Variants in HYCC2 observed in about 807,000 individuals in gnomAD.
The protein encoded by HYCC2 is hyccin PI4KA lipid kinase complex subunit 2, also known as hyccin 2.
the HYCC2 span, among the ~76,000 whole-genome samples, chr2:201,010,729 G>A: frequency 6.6e-6 from 1 of 151,804 alleles, no homozygotes; most frequent in Non-Finnish European, 1.5e-5. Flanking sequence ...TGATTTCTAA[G>A]TAGTATGGAA....
chr2:200,980,454 C>T, the HYCC2 span: 1 of 152,484 alleles, frequency 6.6e-6, no homozygotes, highest in Non-Finnish European at 1.5e-5. Flanking sequence ...AGAACATGCC[C>T]CTCAGATTCT....
chr2:201,020,927 C>A, the HYCC2 span, among the ~76,000 whole-genome samples: 1 of 152,006 alleles, frequency 6.6e-6, no homozygotes, highest in Non-Finnish European at 1.5e-5. Context: ...ACCACCACAC[C>A]CAGCTAATTT....
At chr2:201,054,126 ACG>A in the HYCC2 span, among the ~76,000 whole-genome samples, 3 of 152,222 alleles carry the variant, frequency 2.0e-5, no homozygotes, top group African/African-American at 7.2e-5. Flanking sequence ...CCAGTGCTAT[ACG>A]CATGCTCAGG....
At chr2:201,032,459 A>G in the HYCC2 span, among the ~76,000 whole-genome samples, 2 of 152,164 alleles carry the variant, frequency 1.3e-5, no homozygotes, top group Admixed American at 1.3e-4. Context: ...ACATCTTCAC[A>G]ATACTGAGTT....
At chr2:201,052,527 G>C in the HYCC2 span, among the ~76,000 whole-genome samples, 1 of 151,602 alleles carries the variant, frequency 6.6e-6, no homozygotes, top group African/African-American at 2.4e-5. Flanking sequence ...AAGATCACTT[G>C]AACCTGGGAG....
At chr2:201,031,368 T>G in the HYCC2 span, among the ~76,000 whole-genome samples, 1 of 152,096 alleles carries the variant, frequency 6.6e-6, no homozygotes, top group African/African-American at 2.4e-5. Context: ...ATTTTAAAAA[T>G]CGGCCGGGCA....
chr2:201,046,209 G>A, the HYCC2 span, among the ~76,000 whole-genome samples: 2 of 152,160 alleles, frequency 1.3e-5, no homozygotes, highest in East Asian at 3.8e-4. Flanking sequence ...CTAAAATGGA[G>A]ACTTTTCTTA....
the HYCC2 span, among the ~76,000 whole-genome samples, chr2:201,026,584 T>C: frequency 6.6e-6 from 1 of 152,270 alleles, no homozygotes; most frequent in East Asian, 1.9e-4. Context: ...CCTCAGCAAA[T>C]GTAAAAGAAC....
the HYCC2 span, chr2:201,008,928 C>A: frequency 2.9e-6 from 3 of 1,051,778 alleles, no homozygotes; most frequent in Admixed American, 5.2e-5. Context: ...TATATTCATG[C>A]ATACATACAT....
the HYCC2 span, chr2:201,045,687 C>A: frequency 5.1e-6 from 2 of 392,158 alleles, no homozygotes; most frequent in Admixed American, 8.8e-5. Context: ...TACAATATAG[C>A]TTATCTAATT....
chr2:201,027,549 G>A, the HYCC2 span, among the ~76,000 whole-genome samples: 1,724 of 151,974 alleles, frequency 0.011, 17 homozygotes, highest in Non-Finnish European at 0.017. Context: ...GATGAACATC[G>A]ATGCAAAAAT....
chr2:201,002,072 T>C, the HYCC2 span, among the ~76,000 whole-genome samples: 1 of 151,032 alleles, frequency 6.6e-6, no homozygotes, highest in Non-Finnish European at 1.5e-5. Flanking sequence ...GAAAAACCAG[T>C]GTCAATTCCT....
chr2:200,984,616 G>A, the HYCC2 span, among the ~76,000 whole-genome samples: 1 of 152,212 alleles, frequency 6.6e-6, no homozygotes, highest in Non-Finnish European at 1.5e-5. Flanking sequence ...GGGGTATGGT[G>A]GCTTACGCCT....
chr2:201,034,881 G>A, the HYCC2 span, among the ~76,000 whole-genome samples: 3 of 152,196 alleles, frequency 2.0e-5, no homozygotes, highest in African/African-American at 7.2e-5. Flanking sequence ...GGCTGGATAT[G>A]AAATTCTGGG....
At chr2:201,056,816 A>T in the HYCC2 span, among the ~76,000 whole-genome samples, 1 of 152,122 alleles carries the variant, frequency 6.6e-6, no homozygotes. Flanking sequence ...CACAACACAG[A>T]CCACCAGGCA....
At chr2:201,022,644 C>A in the HYCC2 span, 1 of 427,040 alleles carries the variant, frequency 2.3e-6, no homozygotes, top group South Asian at 4.1e-5. Flanking sequence ...AAAAATTTGA[C>A]CAAAACATTT....
chr2:201,010,779 A>T, the HYCC2 span, among the ~76,000 whole-genome samples: 1 of 151,844 alleles, frequency 6.6e-6, no homozygotes, highest in Admixed American at 6.5e-5. Flanking sequence ...CTTATTATTT[A>T]AAAAATTAAA....
chr2:201,034,315 G>A, the HYCC2 span, among the ~76,000 whole-genome samples: 1 of 152,178 alleles, frequency 6.6e-6, no homozygotes. Context: ...ATATATTTAG[G>A]ATAGTTAGCT....
the HYCC2 span, chr2:200,978,853 T>A: frequency 4.6e-5 from 7 of 152,138 alleles, no homozygotes; most frequent in Non-Finnish European, 8.8e-5. Context: ...TTGTATTAAT[T>A]CTAACATTTG....
Sources: allele counts gnomAD v4.1 joint callset (sites outside exome capture counted in the v4.1 genomes callset), GRCh38; gene constraint gnomAD v4.1.1; transcripts MANE v1.5; gene names NCBI Gene and HGNC (gene_info 2026-07-23, HGNC 2026-07-21).